MAP4K4: variants seen among roughly 807,000 people sequenced by gnomAD.
The protein encoded by MAP4K4 is HPK/GCK-like kinase HGK.
In MAP4K4, 38 loss-of-function variants were observed where a neutral mutation model predicts 189.6. That is an observed-to-expected ratio of 0.20 (90% CI 0.15 to 0.26). The LOEUF (loss-of-function observed/expected upper bound fraction) is 0.26, where lower values mean the gene tolerates loss of function less well. MAP4K4 is among the 10% of genes least tolerant of loss of function. The pLI, the probability that MAP4K4 is intolerant of heterozygous loss-of-function variation, is 1.00. For missense variants in MAP4K4, 1,054 were observed against 1,726.9 expected, an observed-to-expected ratio of 0.61 and a Z score of 6.91; for synonymous variants, 610 against 624.3, an observed-to-expected ratio of 0.98 and a Z score of 0.34.
At chr2:101,700,026 T>C (rs769117724) in intron 2 of MAP4K4, among the ~76,000 whole-genome samples, 4 of 152,180 alleles carry the variant, frequency 2.6e-5, no homozygotes, top group Non-Finnish European at 5.9e-5. Flanking sequence ...TCTAACCCAG[T>C]TTTTTCTCGC....
chr2:101,837,029 A>G (rs1451517308), intron 9 of MAP4K4, among the ~76,000 whole-genome samples: 2 of 150,064 alleles, frequency 1.3e-5, no homozygotes, highest in East Asian at 2.0e-4. Context: ...CTCTTCATGC[A>G]TGGTCTCCCC....
intron 29 of MAP4K4, among the ~76,000 whole-genome samples, chr2:101,885,861 T>C (rs2098472715): frequency 6.6e-6 from 1 of 152,252 alleles, no homozygotes. Flanking sequence ...TTTAGGAAAG[T>C]AAATGATGGA....
chr2:101,885,677 T>G (rs531237414), intron 29 of MAP4K4, among the ~76,000 whole-genome samples: 4 of 152,344 alleles, frequency 2.6e-5, no homozygotes, highest in Admixed American at 2.0e-4. Context: ...TATCTGTTCA[T>G]AAAATACTAA....
intron 3 of MAP4K4, among the ~76,000 whole-genome samples, chr2:101,818,767 C>A (rs151149048): frequency 9.9e-5 from 15 of 152,190 alleles, no homozygotes; most frequent in Admixed American, 2.6e-4. Flanking sequence ...AAAAACTCAT[C>A]TCCTAGTCAG....
At chr2:101,829,539 C>T in exon 6 of MAP4K4, 1 of 1,611,888 alleles carries the variant, frequency 6.2e-7, no homozygotes, top group Non-Finnish European at 8.5e-7. Context: ...ATGTGATTCA[C>T]CGGGATATCA....
At chr2:101,705,753 A>G (rs571985932) in intron 2 of MAP4K4, among the ~76,000 whole-genome samples, 13 of 152,324 alleles carry the variant, frequency 8.5e-5, no homozygotes, top group African/African-American at 2.4e-4. Flanking sequence ...CTGAACTGGC[A>G]GGATTGAATT....
At chr2:101,722,054 A>C (rs1014672719) in intron 2 of MAP4K4, among the ~76,000 whole-genome samples, 4 of 152,122 alleles carry the variant, frequency 2.6e-5, no homozygotes, top group Non-Finnish European at 4.4e-5. Context: ...CAATAGAGGA[A>C]GATAGTAGGA....
chr2:101,836,431 A>T (rs2096755867), intron 9 of MAP4K4, among the ~76,000 whole-genome samples: 1 of 152,104 alleles, frequency 6.6e-6, no homozygotes, highest in Non-Finnish European at 1.5e-5. Context: ...CTATAAAACA[A>T]CACAAAATTA....
At chr2:101,824,471 A>G (rs2096265847) in intron 4 of MAP4K4, among the ~76,000 whole-genome samples, 1 of 152,226 alleles carries the variant, frequency 6.6e-6, no homozygotes, top group South Asian at 2.1e-4. Flanking sequence ...GTAGCTTATT[A>G]ATAATATTAA....
chr2:101,865,587 C>T (rs1241941262), intron 18 of MAP4K4, among the ~76,000 whole-genome samples: 1 of 152,142 alleles, frequency 6.6e-6, no homozygotes, highest in African/African-American at 2.4e-5. Context: ...TTCCTTAGTG[C>T]ACTGGGTATA....
At chr2:101,764,544 G>A (rs548491215) in intron 2 of MAP4K4, among the ~76,000 whole-genome samples, 1 of 152,296 alleles carries the variant, frequency 6.6e-6, no homozygotes, top group Admixed American at 6.5e-5. Context: ...TAATGACTTA[G>A]GAGATGGTAT....
intron 2 of MAP4K4, among the ~76,000 whole-genome samples, chr2:101,745,972 TTGTG>T (rs5832985): frequency 0.15 from 21,634 of 146,390 alleles, 1,889 homozygotes; most frequent in East Asian, 0.4. Context: ...CCTGTTTCCT[TTGTG>T]TGTGTGTGTG....
chr2:101,745,582 A>G (rs1490421724), intron 2 of MAP4K4, among the ~76,000 whole-genome samples: 1 of 152,028 alleles, frequency 6.6e-6, no homozygotes, highest in Non-Finnish European at 1.5e-5. Flanking sequence ...CCAAATTTGA[A>G]ATGCCACGGT....
intron 27 of MAP4K4, 78 bp from the exon 28 acceptor site, chr2:101,882,473 T>C: frequency 2.6e-6 from 3 of 1,174,462 alleles, no homozygotes; most frequent in Non-Finnish European, 2.3e-6. Context: ...GTGATTGATT[T>C]CTTTTGGTTA....
At chr2:101,753,083 A>G (rs556123670) in intron 2 of MAP4K4, among the ~76,000 whole-genome samples, 231 of 152,336 alleles carry the variant, frequency 1.5e-3, no homozygotes, top group Non-Finnish European at 2.7e-3. Flanking sequence ...TGTACATGCA[A>G]TATCTCATTT....
intron 3 of MAP4K4, among the ~76,000 whole-genome samples, chr2:101,816,275 G>T (rs1167820555): frequency 6.6e-6 from 1 of 152,172 alleles, no homozygotes; most frequent in Admixed American, 6.5e-5. Context: ...TTGGCCAGGA[G>T]CCAAAGTTCC....
intron 3 of MAP4K4, among the ~76,000 whole-genome samples, chr2:101,808,754 G>A (rs2095210613): frequency 6.6e-6 from 1 of 151,736 alleles, no homozygotes. Context: ...CATCACCTTG[G>A]CTTAACTCCT....
At chr2:101,716,173 G>T (rs547274972) in intron 2 of MAP4K4, among the ~76,000 whole-genome samples, 1 of 152,218 alleles carries the variant, frequency 6.6e-6, no homozygotes, top group Non-Finnish European at 1.5e-5. Context: ...ACAGATGGCC[G>T]TGGCTCACGC....
At chr2:101,788,349 TTATC>T (rs2092101655) in intron 2 of MAP4K4, among the ~76,000 whole-genome samples, 1 of 152,142 alleles carries the variant, frequency 6.6e-6, no homozygotes, top group Non-Finnish European at 1.5e-5. Flanking sequence ...TCTCTGCACT[TTATC>T]TACCACCTGC....
Sources: gnomAD v4.1 joint callset for allele counts (sites outside exome capture counted in the v4.1 genomes callset) on GRCh38, gnomAD v4.1.1 for gene constraint, MANE v1.5 for transcripts, NCBI Gene and HGNC (gene_info 2026-07-23, HGNC 2026-07-21) for gene names.